Variants in MGMT observed in about 807,000 individuals in gnomAD.
The protein encoded by MGMT is O-6-methylguanine-DNA methyltransferase, also known as methylated-DNA--protein-cysteine methyltransferase.
Under a neutral mutation model 15.9 loss-of-function variants are expected in MGMT, and 14 were observed. That is an observed-to-expected ratio of 0.88 (90% confidence interval 0.58 to 1.37). MGMT has a LOEUF of 1.37. Ranked by LOEUF, MGMT falls within the 40% of genes most tolerant of loss-of-function variation. The pLI is 0.00. For missense variants in MGMT, 282 were observed against 268.1 expected (o/e 1.05, Z -0.36); for synonymous variants, 130 against 118.2 (o/e 1.10, Z -0.65).
chr10:129,518,025 A>C (rs1207109372), intron 1 of MGMT, among the ~76,000 whole-genome samples: 1 of 152,004 alleles, frequency 6.6e-6, no homozygotes. Flanking sequence ...GTGGGCTCCC[A>C]GTGGCAGGCA....
intron 2 of MGMT, among the ~76,000 whole-genome samples, chr10:129,687,703 T>C (rs988980917): frequency 2.6e-5 from 4 of 152,118 alleles, no homozygotes; most frequent in Non-Finnish European, 5.9e-5. Flanking sequence ...TAGCCCTTTT[T>C]TTTTTTTTTT....
At chr10:129,654,122 C>T (rs1336147196) in intron 2 of MGMT, among the ~76,000 whole-genome samples, 3 of 152,270 alleles carry the variant, frequency 2.0e-5, no homozygotes, top group African/African-American at 4.8e-5. Context: ...CCTCGCCGAC[C>T]CCCGCCTTGC....
At chr10:129,577,986 C>G (rs758408691) in intron 2 of MGMT, among the ~76,000 whole-genome samples, 1 of 152,170 alleles carries the variant, frequency 6.6e-6, no homozygotes, top group Admixed American at 6.5e-5. Context: ...CAATGAGATG[C>G]CATCTCACAC....
At chr10:129,520,687 G>T (rs899729697) in intron 1 of MGMT, among the ~76,000 whole-genome samples, 14 of 150,384 alleles carry the variant, frequency 9.3e-5, no homozygotes, top group Admixed American at 6.6e-4. Flanking sequence ...CCTACGGTGC[G>T]GGTACAGAAC....
intron 1 of MGMT, among the ~76,000 whole-genome samples, chr10:129,473,005 G>T (rs534949520): frequency 2.0e-5 from 3 of 152,354 alleles, no homozygotes; most frequent in South Asian, 2.1e-4. Context: ...CATCGGCCTA[G>T]AGTGGGCAGG....
intron 2 of MGMT, among the ~76,000 whole-genome samples, chr10:129,629,885 G>C (rs867974764): frequency 6.6e-6 from 1 of 152,174 alleles, no homozygotes. Context: ...GAATTACCCA[G>C]AAAGTTGAAA....
intron 3 of MGMT, among the ~76,000 whole-genome samples, chr10:129,737,554 C>G (rs975742472): frequency 2.0e-5 from 3 of 152,192 alleles, no homozygotes; most frequent in Non-Finnish European, 4.4e-5. Context: ...TCTCTCAACT[C>G]GTCAAAGTCA....
chr10:129,472,414 A>G (rs757536950), intron 1 of MGMT, among the ~76,000 whole-genome samples: 30 of 152,002 alleles, frequency 2.0e-4, no homozygotes, highest in South Asian at 8.3e-4. Flanking sequence ...TTTAATTTGG[A>G]GCTGAGTCTC....
Position 129,745,563 on chromosome 10 carries a change from G to C in MGMT, c.275-13639G>C, listed in dbSNP as rs567062417. 2.6e-5 allele frequency among the ~76,000 whole-genome samples: 4 copies of C among 152,346 alleles called. No individual in the cohort carries two copies. The South Asian group carries it at 8.3e-4, about 32-fold the overall frequency. On this transcript the variant is annotated intron_variant, in intron 3 of 4. Coordinates refer to ENST00000651593, the MANE Select transcript of MGMT (RefSeq NM_002412.5). ...GCCTTTGAGATTCATCCAAGTTGTT[G>C]CATGTATCTACAGCTTATTCATTTT... is the stretch of plus-strand genomic sequence containing the variant.
chr10:129,467,337 C>T, intron 1 of MGMT, 41 bp downstream of exon 1: 1 of 1,515,112 alleles, frequency 6.6e-7, no homozygotes, highest in Non-Finnish European at 8.8e-7. Context: ...GAGTGCGGAG[C>T]TCTCCCTCGG....
intron 3 of MGMT, among the ~76,000 whole-genome samples, chr10:129,738,307 A>T (rs1181355633): frequency 6.6e-6 from 1 of 152,150 alleles, no homozygotes; most frequent in Non-Finnish European, 1.5e-5. Context: ...GGTGGGAGTG[A>T]CCCGATTTTC....
chr10:129,745,340 A>T (rs930228784), intron 3 of MGMT, among the ~76,000 whole-genome samples: 2 of 152,074 alleles, frequency 1.3e-5, no homozygotes, highest in Admixed American at 1.3e-4. Context: ...CCCCAAAATC[A>T]GGGTGCAGAG....
intron 3 of MGMT, among the ~76,000 whole-genome samples, chr10:129,720,631 G>A: frequency 6.6e-6 from 1 of 152,226 alleles, no homozygotes; most frequent in Admixed American, 6.5e-5. Context: ...ACTCAACTGT[G>A]GTAGTCACTG....
At chr10:129,541,481 T>G (rs1846042255) in intron 2 of MGMT, among the ~76,000 whole-genome samples, 1 of 152,236 alleles carries the variant, frequency 6.6e-6, no homozygotes, top group Non-Finnish European at 1.5e-5. Flanking sequence ...TGTTTACTTT[T>G]CTAATGTTAT....
chr10:129,580,493 G>A (rs1036468495), intron 2 of MGMT, among the ~76,000 whole-genome samples: 6 of 152,292 alleles, frequency 3.9e-5, no homozygotes, highest in East Asian at 1.9e-4. Context: ...GGCTTTGAGC[G>A]AGGAAGGCCT....
rs1010982133 is a variant in MGMT, at chr10:129,546,433, A to G, written c.125+10056A>G. Among the ~76,000 whole-genome samples, 33 of 152,300 alleles carry G rather than the reference A, an allele frequency of 2.2e-4. No individual in the cohort carries two copies. The East Asian group carries it at 3.7e-3, about 17-fold the overall frequency. ...ATGTAGGGGCATGGAGGGGTAGCAG[A>G]AGGAGGCAGTTAAGAGGCTGCGAGC... On this transcript the variant is annotated intron_variant, in intron 2 of 4. Coordinates refer to ENST00000651593, the MANE Select transcript of MGMT (RefSeq NM_002412.5).
At chr10:129,633,054 C>G (rs1048983496) in intron 2 of MGMT, among the ~76,000 whole-genome samples, 2 of 151,898 alleles carry the variant, frequency 1.3e-5, no homozygotes, top group African/African-American at 4.8e-5. Flanking sequence ...GAAGGATGGG[C>G]CGGAAATGGG....
At chr10:129,758,642 A>T (rs942612334) in intron 3 of MGMT, among the ~76,000 whole-genome samples, 2 of 152,186 alleles carry the variant, frequency 1.3e-5, no homozygotes, top group Non-Finnish European at 2.9e-5. Flanking sequence ...TTCACTAAAG[A>T]TGCCTGTAAC....
intron 2 of MGMT, among the ~76,000 whole-genome samples, chr10:129,538,660 G>C (rs543053949): frequency 7.2e-4 from 109 of 151,868 alleles, no homozygotes; most frequent in Non-Finnish European, 1.1e-3. Flanking sequence ...CTTTGAGATG[G>C]AGGCTTGCTC....
Sources: gnomAD v4.1 joint callset for allele counts (sites outside exome capture counted in the v4.1 genomes callset) on GRCh38, gnomAD v4.1.1 for gene constraint, MANE v1.5 for transcripts, NCBI Gene and HGNC (gene_info 2026-07-23, HGNC 2026-07-21) for gene names.